ADGRB1: variants seen among roughly 807,000 people sequenced by gnomAD.
ADGRB1 encodes adhesion G protein-coupled receptor B1, also known as brain-specific angiogenesis inhibitor 1.
Under a neutral mutation model 175.7 loss-of-function variants are expected in ADGRB1, and 36 were observed. That is an observed-to-expected ratio of 0.20 (90% CI 0.16 to 0.27). The LOEUF is 0.27. Ranked by LOEUF, ADGRB1 falls within the 10% of genes least tolerant of loss-of-function variation. The pLI, the probability that ADGRB1 is intolerant of heterozygous loss-of-function variation, is 1.00. For synonymous variants in ADGRB1, 1,054 were observed against 979.4 expected (o/e 1.08, Z -1.42); for missense variants, 1,731 against 2,255.3 (o/e 0.77, Z 4.71).
At chr8:142,507,538 A>T (rs1276358411) in intron 17 of ADGRB1, among the ~76,000 whole-genome samples, 2 of 152,170 alleles carry the variant, frequency 1.3e-5, no homozygotes, top group Non-Finnish European at 2.9e-5. Flanking sequence ...CCAGAGGCCG[A>T]TAAACGACTC....
intron 27 of ADGRB1, 36 bp from the exon 28 acceptor site, chr8:142,541,905 C>T: frequency 2.6e-6 from 4 of 1,512,290 alleles, no homozygotes; most frequent in Non-Finnish European, 3.5e-6. Flanking sequence ...CTCACCCCCA[C>T]ACCTGTCCCC....
chr8:142,483,803 T>A (rs546377087), intron 11 of ADGRB1, among the ~76,000 whole-genome samples, 174 bp from the exon 12 acceptor site: 12 of 150,576 alleles, frequency 8.0e-5, no homozygotes, highest in African/African-American at 2.9e-4. Context: ...GGTTACACAC[T>A]GAACCCTGGC....
chr8:142,468,239 A>AT (rs1250506666), intron 2 of ADGRB1, among the ~76,000 whole-genome samples: 5 of 151,886 alleles, frequency 3.3e-5, no homozygotes, highest in African/African-American at 1.2e-4. Context: ...TGTGCAGTAC[A>AT]TTACTCATGT....
chr8:142,494,605 T>C (rs1328421756), intron 17 of ADGRB1, among the ~76,000 whole-genome samples: 1 of 151,868 alleles, frequency 6.6e-6, no homozygotes, highest in East Asian at 1.9e-4. Context: ...CAGACACACT[T>C]GCACCCATGG....
rs2131905033 is a variant in ADGRB1 at position 142,493,931 on chromosome 8, T to C, written c.2675+3116T>C. ...GGGGAGCTGAGTTTCCCAGTTGACC[T>C]GAAGTGGAGACCACGGGCAGGGGCC... On this transcript the variant is annotated intron_variant, in intron 17 of 30. Transcript: ENST00000517894. The surrounding 1 kb of genome is among the most constrained non-coding windows in gnomAD (Gnocchi z 5.0). Among the ~76,000 whole-genome samples the C allele has an allele frequency of 6.6e-6, 1 of 152,250 alleles. No homozygotes were observed. Among genetic ancestry groups the C allele is most frequent in the Non-Finnish European group, 1.5e-5 (1 of 68,008 alleles).
chr8:142,525,741 G>A (rs1844137781), intron 23 of ADGRB1, among the ~76,000 whole-genome samples: 1 of 152,162 alleles, frequency 6.6e-6, no homozygotes, highest in Admixed American at 6.5e-5. Context: ...GAGTCCTGGG[G>A]TCTCCCAGCC....
intron 25 of ADGRB1, among the ~76,000 whole-genome samples, 158 bp downstream of exon 25, chr8:142,533,624 G>GCCTGCAGGTGAGCGTGT (rs1445220331): frequency 6.6e-6 from 1 of 151,964 alleles, no homozygotes; most frequent in Non-Finnish European, 1.5e-5. Context: ...ACAGAGCGGG[G>GCCTGCAGGTGAGCGTGT]CCTGCAGGTG....
In ADGRB1 at chr8:142,510,680, C is replaced by T. The variant is rs1843046379; in HGVS notation, c.2676-252C>T. 6.9e-6 allele frequency among the ~76,000 whole-genome samples: 1 copy of T among 145,452 alleles called. No individual in the cohort carries two copies. The highest frequency in any genetic ancestry group is 1.5e-5 in the Non-Finnish European group (1 of 65,546). On this transcript the variant is annotated intron_variant, in intron 17 of 30. Transcript: ENST00000517894. This position sits in a 1 kb window ranked among gnomAD's most constrained non-coding sequence, Gnocchi z 6.3. ...GCCCCCGATCGCTCGGCTCCCCCGCCCGGCGCTCCCTCGGGCTGCGCTCCG... is the reference window on the plus strand; with the variant it reads ...GCCCCCGATCGCTCGGCTCCCCCGCTCGGCGCTCCCTCGGGCTGCGCTCCG...
At chr8:142,536,397 G>C (rs531039813) in intron 25 of ADGRB1, among the ~76,000 whole-genome samples, 1 of 152,162 alleles carries the variant, frequency 6.6e-6, no homozygotes, top group Non-Finnish European at 1.5e-5. Flanking sequence ...TCTGCTGGCC[G>C]CTGGTCTTCC....
At chr8:142,528,813 C>G (rs1486868157) in intron 24 of ADGRB1, among the ~76,000 whole-genome samples, 3 of 152,270 alleles carry the variant, frequency 2.0e-5, no homozygotes, top group African/African-American at 7.2e-5. Context: ...GCTCCTCCTT[C>G]CATCCTCCCC....
At chr8:142,503,142 C>T (rs1489549484) in intron 17 of ADGRB1, among the ~76,000 whole-genome samples, 2 of 151,710 alleles carry the variant, frequency 1.3e-5, no homozygotes, top group Non-Finnish European at 2.9e-5. Flanking sequence ...AATTTGCAGC[C>T]CAAGCCCCCT....
Position 142,506,571 on chromosome 8 carries a change from C to T in ADGRB1, c.2676-4361C>T, listed in dbSNP as rs114221937. 1.6e-3 allele frequency among the ~76,000 whole-genome samples: 237 copies of T among 152,316 alleles called. 1 individual carries two copies. Among genetic ancestry groups the T allele is most frequent in the African/African-American group, 5.5e-3 (229 of 41,564 alleles). ...GAGGTGGCAAATGGTCTCCCACGTG[C>T]GGGAGCAGTCGCTGTGTGCGAGGAG... is the stretch of plus-strand genomic sequence containing the variant. On this transcript the variant is annotated intron_variant, in intron 17 of 30. Coordinates refer to ENST00000517894, the MANE Select transcript of ADGRB1 (RefSeq NM_001702.3).
intron 21 of ADGRB1, 37 bp from the exon 22 acceptor site, chr8:142,522,603 TG>T (rs1168116036): frequency 6.6e-7 from 1 of 1,524,200 alleles, no homozygotes; most frequent in East Asian, 2.5e-5. Context: ...GCTGGGGACT[TG>T]GGTGGGGCCA....
chr8:142,494,016 G>A (rs529770980), intron 17 of ADGRB1, among the ~76,000 whole-genome samples: 62 of 152,310 alleles, frequency 4.1e-4, no homozygotes, highest in African/African-American at 1.3e-3. Flanking sequence ...GGCCTGTGTC[G>A]GTGTGCACTT....
chr8:142,501,898 T>TGGG (rs1554614710), intron 17 of ADGRB1, among the ~76,000 whole-genome samples: 1 of 40,284 alleles, frequency 2.5e-5, no homozygotes, highest in African/African-American at 7.3e-5. Context: ...GTGAGGGTGA[T>TGGG]GTGGTGGTGA....
At chr8:142,495,158 G>T (rs541359022) in intron 17 of ADGRB1, among the ~76,000 whole-genome samples, 11 of 152,316 alleles carry the variant, frequency 7.2e-5, no homozygotes, top group Non-Finnish European at 1.2e-4. Flanking sequence ...TGGACAAGCG[G>T]GGGTGTGGAT....
Position 142,464,683 on chromosome 8 carries a change from C to A in ADGRB1, c.485C>A (p.Pro162Gln). The A allele has an allele frequency of 6.6e-7, 1 of 1,526,350 alleles. No individual in the cohort carries two copies. The highest frequency in any genetic ancestry group is 8.8e-7 in the Non-Finnish European group (1 of 1,142,418). 94.6% of individuals were successfully genotyped at this position (1,526,350 alleles called of 1,614,324 possible). The change falls in exon 2 of 31, where the codon CCG becomes CAG. Residue 162 changes from proline (P) to glutamine (Q), a missense_variant. Around this residue, in one of 8 missense-constraint regions of ADGRB1, gnomAD observed 383 missense variants for 383.1 expected, o/e 1.00. Transcript: ENST00000517894. ...GACGGGCTCCGGCCCCGGGCCGGGC[C>A]GCCGGGCCCCACCGACGACTTCTCC... Reference protein sequence around the residue: ...QHDGLRPRAGPPGPTDDFSVE... With the variant: ...QHDGLRPRAGQPGPTDDFSVE...
intron 1 of ADGRB1, among the ~76,000 whole-genome samples, chr8:142,463,292 C>T (rs576141215): frequency 6.6e-6 from 1 of 152,308 alleles, no homozygotes; most frequent in East Asian, 1.9e-4. Flanking sequence ...GCACAGGCTG[C>T]TGGAGGCTGC....
chr8:142,521,119 G>A (rs944682936), intron 20 of ADGRB1, among the ~76,000 whole-genome samples, 194 bp downstream of exon 20: 1 of 152,162 alleles, frequency 6.6e-6, no homozygotes, highest in Non-Finnish European at 1.5e-5. Flanking sequence ...GGGCTGGTCA[G>A]CCGGCCAAGA....
Sources: allele counts gnomAD v4.1 joint callset (sites outside exome capture counted in the v4.1 genomes callset), GRCh38; gene constraint gnomAD v4.1.1; regional missense constraint gnomAD v4.1.1; non-coding constraint Gnocchi (gnomAD v3.1); transcripts MANE v1.5; gene names NCBI Gene and HGNC (gene_info 2026-07-23, HGNC 2026-07-21).